Variants in ZNF574 observed in about 807,000 individuals in gnomAD.
The protein encoded by ZNF574 is zinc finger protein 574.
In ZNF574, 25 loss-of-function variants were observed where a neutral mutation model predicts 56.6. The ratio of observed to expected loss-of-function variants is 0.44; its 90% confidence interval spans 0.32 to 0.62. ZNF574 has a LOEUF of 0.62. Among genes scored for constraint, ZNF574 ranks in the 20% least tolerant of loss-of-function variants. The pLI, the probability that ZNF574 is intolerant of heterozygous loss-of-function variation, is 0.04. For synonymous variants in ZNF574, 543 were observed against 492.1 expected, an observed-to-expected ratio of 1.10 and a Z score of -1.37; for missense variants, 1,065 against 1,218.9, an observed-to-expected ratio of 0.87 and a Z score of 1.88.
Position 42,079,512 on chromosome 19 carries a change from C to G in ZNF574, c.906C>G (p.Gly302=). Residue 302 remains glycine (G), a synonymous_variant, in exon 2 of 2, where the codon GGC becomes GGG. Transcript: ENST00000359044. This position sits in a 1 kb window ranked among gnomAD's most constrained non-coding sequence, Gnocchi z 4.3. The part of the protein sequence containing the change: ...RARRNNSGEA[G]GAATQELFCS... ...GGAGGAACAACAGTGGAGAAGCAGG[C>G]GGGGCAGCCACACAGGAGCTCTTCT... 1 of 1,613,862 alleles carries G rather than the reference C, an allele frequency of 6.2e-7. No homozygotes were observed. The highest frequency in any genetic ancestry group is 8.5e-7 in the Non-Finnish European group (1 of 1,180,026).
intron 1 of ZNF574, among the ~76,000 whole-genome samples, chr19:42,077,741 C>A (rs1282166770): frequency 6.6e-6 from 1 of 151,856 alleles, no homozygotes; most frequent in South Asian, 2.1e-4. Context: ...AGGTCCGAAG[C>A]GGGGAGGAGT....
chr19:42,072,612 G>C (rs1458620831), upstream of ZNF574, among the ~76,000 whole-genome samples: 1 of 150,144 alleles, frequency 6.7e-6, no homozygotes, highest in African/African-American at 2.5e-5. Context: ...TGTTGCCTAG[G>C]TTGGAGTGCA....
Position 42,079,311 on chromosome 19 carries a change from T to G in ZNF574, c.705T>G (p.Thr235=). 6.2e-7 allele frequency: 1 copy of G among 1,613,964 alleles called. No homozygotes were observed. The highest frequency in any genetic ancestry group is 8.5e-7 in the Non-Finnish European group (1 of 1,179,984). Residue 235 remains threonine (T), a synonymous_variant, in exon 2 of 2, where the codon ACT becomes ACG. Coordinates refer to ENST00000359044, the MANE Select transcript of ZNF574 (RefSeq NM_022752.6). The surrounding 1 kb of genome is among the most constrained non-coding windows in gnomAD (Gnocchi z 4.3). ...CGGATTTCCTGGAGCACCAGGCCACTCACTTCCCTGCTCCTGTACCCGAGT... is the reference window on the plus strand; with the variant it reads ...CGGATTTCCTGGAGCACCAGGCCACGCACTTCCCTGCTCCTGTACCCGAGT... ...LPADFLEHQA[T]HFPAPVPESQ...
upstream of ZNF574, among the ~76,000 whole-genome samples, chr19:42,072,197 A>T (rs992174031): frequency 2.6e-5 from 4 of 151,480 alleles, no homozygotes; most frequent in African/African-American, 9.7e-5. Context: ...AGGCCTGAGA[A>T]GTTACCTGGA....
chr19:42,073,238 G>A (rs1035873772), upstream of ZNF574, among the ~76,000 whole-genome samples: 1 of 152,208 alleles, frequency 6.6e-6, no homozygotes, highest in Non-Finnish European at 1.5e-5. Flanking sequence ...GGGCCTCGAT[G>A]TTTTGTAGAG....
rs2076472530 is a variant in ZNF574 at position 42,078,716 on chromosome 19, C to G, written c.110C>G (p.Ser37Cys). 6.2e-7 allele frequency: 1 copy of G among 1,613,986 alleles called. No homozygotes were observed. The highest frequency in any genetic ancestry group is 1.3e-5 in the African/African-American group (1 of 74,912). Reference sequence around the variant, plus strand: ...GAAGAGGTGCTTATGCACCAAAACTCCCACGTGCCCCAGCAGCACTTTGAG... The same window carrying G: ...GAAGAGGTGCTTATGCACCAAAACTGCCACGTGCCCCAGCAGCACTTTGAG... The part of the protein sequence containing the change: ...SLEEVLMHQN[S>C]HVPQQHFELV... The change falls in exon 2 of 2, where the codon TCC becomes TGC. Residue 37 changes from serine to cysteine, a missense_variant. By Grantham distance (112) the Ser-to-Cys change is moderately radical. Coordinates refer to ENST00000359044, the MANE Select transcript of ZNF574 (RefSeq NM_022752.6).
At chr19:42,069,824 C>G (rs981627057) in intron 1 of ZNF574, among the ~76,000 whole-genome samples, 1 of 151,970 alleles carries the variant, frequency 6.6e-6, no homozygotes, top group African/African-American at 2.4e-5. Flanking sequence ...AGCCCTCAGC[C>G]CCCACGGGAA....
intron 1 of ZNF574, chr19:42,069,078 T>C (rs1481509997): frequency 6.6e-6 from 3 of 455,738 alleles, no homozygotes; most frequent in Non-Finnish European, 1.2e-5. Flanking sequence ...TCGAGGTGAA[T>C]GGACGCTGAG....
In ZNF574 at chr19:42,080,749, G is replaced by T. The variant is rs2076493604; in HGVS notation, c.2143G>T (p.Val715Phe). The T allele has an allele frequency of 6.2e-7, 1 of 1,613,792 alleles. No individual in the cohort carries two copies. Among genetic ancestry groups the T allele is most frequent in the African/African-American group, 1.3e-5 (1 of 74,952 alleles). ...PRAPRATRAPVASPAALGSTA... is the reference protein window; with the variant it reads ...PRAPRATRAPFASPAALGSTA... Reference sequence around the variant, plus strand: ...AGCCCCACGGGCCACTCGTGCACCAGTTGCCTCTCCAGCAGCCCTTGGAAG... The same window carrying T: ...AGCCCCACGGGCCACTCGTGCACCATTTGCCTCTCCAGCAGCCCTTGGAAG... The change falls in exon 2 of 2, where the codon GTT becomes TTT. Residue 715 changes from valine (V) to phenylalanine (F), a missense_variant. Physicochemically the swap from Val to Phe is conservative, Grantham distance 50. Transcript: ENST00000359044. The surrounding 1 kb of genome is among the most constrained non-coding windows in gnomAD (Gnocchi z 8.5).
In ZNF574 at chr19:42,081,083, A is replaced by G. The variant is rs1306196427; in HGVS notation, c.2477A>G (p.Asp826Gly). 1 of 1,614,158 alleles carries G rather than the reference A, an allele frequency of 6.2e-7. No homozygotes were observed. The highest frequency in any genetic ancestry group is 8.5e-7 in the Non-Finnish European group (1 of 1,180,026). The change falls in exon 2 of 2, where the codon GAC becomes GGC. Residue 826 changes from aspartate (D) to glycine (G), a missense_variant. Transcript: ENST00000359044. ...GGCGAACGACCCTACTCCTGCCCTG[A>G]CTGTGGCAAGAGCTACCGCTCCTTC... ...HTGERPYSCP[D>G]CGKSYRSFSN...
upstream of ZNF574, among the ~76,000 whole-genome samples, chr19:42,075,856 C>T (rs2076451480): frequency 1.3e-5 from 2 of 152,242 alleles, no homozygotes; most frequent in Non-Finnish European, 2.9e-5. Flanking sequence ...ATCGCGCCGC[C>T]CTCCGCTCAG....
rs772334732 is a variant in ZNF574, at chr19:42,079,747, G to A, written c.1141G>A (p.Ala381Thr). ...CTTCGGCACAGAGGCCCTCCTCCTG[G>A]CCCACCGGCGAGCCCACACCCCGAA... ...LAFGTEALLL[A>T]HRRAHTPNPL... Residue 381 changes from alanine (A) to threonine (T), a missense_variant, in exon 2 of 2, where the codon GCC (alanine) becomes ACC (threonine). Ala to Thr is a moderately conservative substitution (Grantham distance 58). Transcript: ENST00000359044. This position sits in a 1 kb window ranked among gnomAD's most constrained non-coding sequence, Gnocchi z 4.3. 3.1e-6 allele frequency: 5 copies of A among 1,614,156 alleles called. No individual in the cohort carries two copies.
At chr19:42,069,849 C>A in intron 1 of ZNF574, among the ~76,000 whole-genome samples, 1 of 151,266 alleles carries the variant, frequency 6.6e-6, no homozygotes, top group East Asian at 2.0e-4. Flanking sequence ...ATGCTGGGGG[C>A]GGGGAGAGCC....
upstream of ZNF574, among the ~76,000 whole-genome samples, chr19:42,073,741 T>A (rs2146207699): frequency 7.4e-6 from 1 of 134,692 alleles, no homozygotes; most frequent in African/African-American, 2.8e-5. Flanking sequence ...TGCTTGAGCC[T>A]GGGAGGCAGA....
At position 42,079,991 on chromosome 19, in the gene ZNF574, C is replaced by T; in HGVS notation, c.1385C>T (p.Ala462Val). 6.2e-7 allele frequency: 1 copy of T among 1,613,978 alleles called. No homozygotes were observed. Among genetic ancestry groups the T allele is most frequent in the Non-Finnish European group, 8.5e-7 (1 of 1,180,036 alleles). The change falls in exon 2 of 2, where the codon GCC (alanine) becomes GTC (valine). Residue 462 changes from alanine (A) to valine (V), a missense_variant. Transcript: ENST00000359044. This position sits in a 1 kb window ranked among gnomAD's most constrained non-coding sequence, Gnocchi z 4.3. ...GAGGAGACCTCAGCAGGGCCCGCTGCCCCAGGCACCTACCGCTGCCTCCTG... is the reference window on the plus strand; with the variant it reads ...GAGGAGACCTCAGCAGGGCCCGCTGTCCCAGGCACCTACCGCTGCCTCCTG... ...VSEETSAGPA[A>V]PGTYRCLLCS...
At position 42,079,278 on chromosome 19, in the gene ZNF574, G is replaced by C. The variant is rs776656117; in HGVS notation, c.672G>C (p.Gln224His). The change falls in exon 2 of 2, where the codon CAG becomes CAC. Residue 224 changes from glutamine to histidine, a missense_variant. Transcript: ENST00000359044. This position sits in a 1 kb window ranked among gnomAD's most constrained non-coding sequence, Gnocchi z 4.3. Reference sequence around the variant, plus strand: ...GCTCTGAGTGCTCCCAGCTCTTCCAGCTGCCGGCGGATTTCCTGGAGCACC... The same window carrying C: ...GCTCTGAGTGCTCCCAGCTCTTCCACCTGCCGGCGGATTTCCTGGAGCACC... ...YKCSECSQLF[Q>H]LPADFLEHQA... 3 of 1,613,972 alleles carry C rather than the reference G, an allele frequency of 1.9e-6. No homozygotes were observed. Among genetic ancestry groups the C allele is most frequent in the Admixed American group, 3.3e-5 (2 of 60,004 alleles).
upstream of ZNF574, among the ~76,000 whole-genome samples, chr19:42,072,094 C>A (rs1465338237): frequency 6.6e-6 from 1 of 152,060 alleles, no homozygotes; most frequent in Admixed American, 6.6e-5. Flanking sequence ...CTACCACCTC[C>A]AGAAAGACCT....
In ZNF574 at chr19:42,079,183, G is replaced by T. The variant is rs760635962; in HGVS notation, c.577G>T (p.Ala193Ser). The T allele has an allele frequency of 6.2e-7, 1 of 1,613,810 alleles. No individual in the cohort carries two copies. Among genetic ancestry groups the T allele is most frequent in the African/African-American group, 1.3e-5 (1 of 74,922 alleles). The change falls in exon 2 of 2, where the codon GCG (alanine) becomes TCG (serine). Residue 193 changes from alanine to serine, a missense_variant. Physicochemically the swap from Ala to Ser is moderately conservative, Grantham distance 99. Transcript: ENST00000359044. This position sits in a 1 kb window ranked among gnomAD's most constrained non-coding sequence, Gnocchi z 4.3. ...YRKAEEGGEG[A>S]TVPSAAATTT... ...AAAGGCAGAAGAGGGTGGGGAAGGGGCGACTGTCCCATCTGCCGCTGCCAC... is the reference window on the plus strand; with the variant it reads ...AAAGGCAGAAGAGGGTGGGGAAGGGTCGACTGTCCCATCTGCCGCTGCCAC...
rs1033050530 is a variant in ZNF574, at chr19:42,080,050, A to G, written c.1444A>G (p.Thr482Ala). 6.2e-7 allele frequency: 1 copy of G among 1,613,912 alleles called. No homozygotes were observed. Among genetic ancestry groups the G allele is most frequent in the African/African-American group, 1.3e-5 (1 of 74,864 alleles). The part of the protein sequence containing the change: ...SREFGKALQL[T>A]RHQRFVHRLE... ...TGAATTTGGAAAGGCCTTGCAGCTG[A>G]CCCGGCACCAACGTTTTGTGCATCG... The change falls in exon 2 of 2, where the codon ACC becomes GCC. Residue 482 changes from threonine to alanine, a missense_variant. Transcript: ENST00000359044. This position sits in a 1 kb window ranked among gnomAD's most constrained non-coding sequence, Gnocchi z 8.5.
Sources: gnomAD v4.1 joint callset for allele counts (sites outside exome capture counted in the v4.1 genomes callset) on GRCh38, gnomAD v4.1.1 for gene constraint, Gnocchi (gnomAD v3.1) non-coding constraint, MANE v1.5 for transcripts, NCBI Gene and HGNC (gene_info 2026-07-23, HGNC 2026-07-21) for gene names.